Variants in HMGXB3 observed in about 807,000 individuals in gnomAD.
The protein encoded by HMGXB3 is HMG-box containing 3, also known as HMG domain-containing protein 3.
Under a neutral mutation model 121.5 loss-of-function variants are expected in HMGXB3, and 45 were observed. The observed-to-expected ratio is 0.37, with a 90% CI of 0.29 to 0.47. The LOEUF (loss-of-function observed/expected upper bound fraction) is 0.47, where lower values mean the gene tolerates loss of function less well. Ranked by LOEUF, HMGXB3 falls within the 20% of genes least tolerant of loss-of-function variation. HMGXB3 has a pLI of 0.99. For missense variants in HMGXB3, 1,376 were observed against 1,602.2 expected (o/e 0.86, Z 2.41); for synonymous variants, 590 against 624.1 (o/e 0.95, Z 0.81).
Position 150,032,619 on chromosome 5 carries a change from C to T in HMGXB3, c.1983+16C>T, listed in dbSNP as rs769194210. 1.3e-6 allele frequency: 2 copies of T among 1,552,154 alleles called. No homozygotes were observed. The highest frequency in any genetic ancestry group is 2.0e-5 in the Admixed American group (1 of 51,006). ...CAAGGCTATCGTGAGTTCCTTCCCCCAAACACATCCCCTGGCCTGTTCTGG... is the reference window on the plus strand; with the variant it reads ...CAAGGCTATCGTGAGTTCCTTCCCCTAAACACATCCCCTGGCCTGTTCTGG... On this transcript the variant is annotated intron_variant, in intron 11 of 19. Coordinates refer to ENST00000502717, the MANE Select transcript of HMGXB3 (RefSeq NM_014983.3).
At position 150,000,893 on chromosome 5, in the gene HMGXB3, A is replaced by G. The variant is rs1004741137; in HGVS notation, c.-289A>G. 5 of 154,624 alleles carry G rather than the reference A, an allele frequency of 3.2e-5. No individual in the cohort carries two copies. Among genetic ancestry groups the G allele is most frequent in the African/African-American group, 1.2e-4 (5 of 41,428 alleles). The allele number at this position is 154,624 out of a possible 1,614,324, so 9.6% of individuals were successfully genotyped here. On this transcript the variant is annotated 5_prime_UTR_variant, in exon 1 of 20. Transcript: ENST00000502717. ...GCCTGCGGAGCGAACCTGTGCTCCT[A>G]TTCTTGCCCTTCAGGACCCCATATC... is the stretch of plus-strand genomic sequence containing the variant.
chr5:150,016,250 A>T (rs1232113890), intron 5 of HMGXB3, among the ~76,000 whole-genome samples: 2 of 146,082 alleles, frequency 1.4e-5, no homozygotes, highest in Non-Finnish European at 3.0e-5. Flanking sequence ...CTGAGGTGGG[A>T]GGATTGCTTG....
At chr5:150,018,845 T>C (rs775484480) in intron 6 of HMGXB3, 148 bp downstream of exon 6, 42 of 773,672 alleles carry the variant, frequency 5.4e-5, no homozygotes, top group Middle Eastern at 2.5e-4. Context: ...ATAGTTTGTT[T>C]AAAAAATACA....
intron 6 of HMGXB3, among the ~76,000 whole-genome samples, chr5:150,020,760 T>TG (rs1472188035): frequency 6.6e-6 from 1 of 151,668 alleles, no homozygotes; most frequent in African/African-American, 2.4e-5. Flanking sequence ...TTTTTTTTTT[T>TG]TTGAAGATAG....
chr5:150,019,705 C>T (rs1180412926), intron 6 of HMGXB3, among the ~76,000 whole-genome samples: 4 of 152,122 alleles, frequency 2.6e-5, no homozygotes, highest in Non-Finnish European at 5.9e-5. Context: ...AAAGAGAGGA[C>T]ATTATTTTAG....
rs1263006176 is a variant in HMGXB3 at position 150,052,925 on chromosome 5, G to C, written c.*733G>C. 6.5e-6 allele frequency: 1 copy of C among 152,742 alleles called. No homozygotes were observed. The highest frequency in any genetic ancestry group is 1.9e-4 in the East Asian group (1 of 5,276). 9.5% of individuals were successfully genotyped at this position (152,742 alleles called of 1,614,324 possible). ...CTCCACAGAGGGGATGTGGTCCCTG[G>C]TCATGACATAACCTAGCAGCAGTAG... On this transcript the variant is annotated 3_prime_UTR_variant, in exon 20 of 20. Transcript: ENST00000502717.
Position 150,027,127 on chromosome 5 carries a change from A to T in HMGXB3, c.1734+10A>T. The T allele has an allele frequency of 6.5e-7, 1 of 1,549,200 alleles. No homozygotes were observed. The highest frequency in any genetic ancestry group is 8.7e-7 in the Non-Finnish European group (1 of 1,145,870). On this transcript the variant is annotated intron_variant, in intron 9 of 19. Transcript: ENST00000502717. ...CCCTGGTGAGGTGAAGGTAAGGCCC[A>T]TTTTCCAGAGTGGGAGCTGTTTGAG...
At chr5:150,026,497 A>G (rs1320597640) in intron 7 of HMGXB3, among the ~76,000 whole-genome samples, 2 of 152,228 alleles carry the variant, frequency 1.3e-5, no homozygotes, top group Non-Finnish European at 2.9e-5. Flanking sequence ...GTTCCATTTT[A>G]CATATTAGAA....
At chr5:150,022,191 C>G (rs1427957473) in intron 6 of HMGXB3, among the ~76,000 whole-genome samples, 1 of 152,144 alleles carries the variant, frequency 6.6e-6, no homozygotes, top group Non-Finnish European at 1.5e-5. Context: ...ATTGGACACC[C>G]CGATCTATTA....
At chr5:150,005,108 C>T (rs946483904) in intron 2 of HMGXB3, 119 bp downstream of exon 2, 44 of 1,313,358 alleles carry the variant, frequency 3.4e-5, no homozygotes, top group Admixed American at 5.8e-5. Flanking sequence ...AGTCCTGTGT[C>T]GAGGGATGAG....
At chr5:150,012,795 TTGA>T (rs1232802466) in intron 5 of HMGXB3, among the ~76,000 whole-genome samples, 2 of 152,240 alleles carry the variant, frequency 1.3e-5, no homozygotes, top group African/African-American at 4.8e-5. Flanking sequence ...TGATTCCCAG[TTGA>T]TATTTTTTTC....
intron 6 of HMGXB3, among the ~76,000 whole-genome samples, chr5:150,023,255 T>A (rs1352285967): frequency 1.3e-5 from 2 of 152,294 alleles, no homozygotes; most frequent in Non-Finnish European, 1.5e-5. Context: ...CACTAAACTT[T>A]CTGTAATGTG....
intron 13 of HMGXB3, 50 bp from the exon 14 acceptor site, chr5:150,040,698 C>A (rs555992717): frequency 2.4e-5 from 36 of 1,518,182 alleles, no homozygotes; most frequent in Admixed American, 2.2e-5. Context: ...CTATTTTTTG[C>A]CATTGTGTAT....
Position 150,052,034 on chromosome 5 carries a change from C to T in HMGXB3, c.3721C>T (p.Arg1241Cys), listed in dbSNP as rs748848300. 2.4e-5 allele frequency: 37 copies of T among 1,552,088 alleles called. No individual in the cohort carries two copies. Among genetic ancestry groups the T allele is most frequent in the South Asian group, 9.5e-5 (8 of 84,064 alleles). ...CCGCCTCATGGACTTCCTCACCAGC[C>T]GCGAAATTGTCAATCGTCAGATCCA... is the stretch of plus-strand genomic sequence containing the variant. ...YNRLMDFLTSREIVNRQIHDI... is the reference protein window; with the variant it reads ...YNRLMDFLTSCEIVNRQIHDI... The change falls in exon 20 of 20, where the codon CGC (arginine) becomes TGC (cysteine). Residue 1241 changes from arginine (R) to cysteine (C), a missense_variant. Transcript: ENST00000502717.
intron 5 of HMGXB3, among the ~76,000 whole-genome samples, chr5:150,014,102 T>C (rs1344368336): frequency 6.6e-6 from 1 of 152,270 alleles, no homozygotes; most frequent in Admixed American, 6.5e-5. Context: ...AGTGTCACTT[T>C]ATGGCCTGGT....
chr5:150,001,037 C>T lies in HMGXB3; in HGVS notation c.-145C>T, dbSNP rs765379542. 6.5e-6 allele frequency: 1 copy of T among 154,310 alleles called. No homozygotes were observed. The highest frequency in any genetic ancestry group is 1.5e-5 in the Non-Finnish European group (1 of 68,214). 9.6% of individuals were successfully genotyped at this position (154,310 alleles called of 1,614,324 possible). A position where few individuals can be genotyped will look rare whatever the true frequency, so the allele number is the denominator to read the frequency against. On this transcript the variant is annotated 5_prime_UTR_variant, in exon 1 of 20. Transcript: ENST00000502717. The stretch of plus-strand genomic sequence containing the variant: ...GGGATGCGCGCGCGAGCCCTCGCCT[C>T]CACTTCCTTGTTGCTGCTGTCACGA...
rs2113754135 is a variant in HMGXB3 at position 150,036,794 on chromosome 5, T to C, written c.2142T>C (p.His714=). 6.4e-7 allele frequency: 1 copy of C among 1,551,772 alleles called. No individual in the cohort carries two copies. The highest frequency in any genetic ancestry group is 1.2e-5 in the South Asian group (1 of 84,068). ...SELAEVFALI[H]ELNSSRLILS... ...TGGCTGAGGTCTTCGCCTTGATTCA[T>C]GAACTCAACAGCTCTCGACTTATCT... Residue 714 remains histidine, a synonymous_variant, in exon 12 of 20, where the codon CAT becomes CAC. Coordinates refer to ENST00000502717, the MANE Select transcript of HMGXB3 (RefSeq NM_014983.3).
At chr5:150,047,476 G>C in intron 16 of HMGXB3, 148 bp from the exon 17 acceptor site, 1 of 825,738 alleles carries the variant, frequency 1.2e-6, no homozygotes, top group Non-Finnish European at 1.9e-6. Flanking sequence ...TGCAGAAAGC[G>C]TGGACCTGAC....
rs917200547 is a variant in HMGXB3 at position 150,024,527 on chromosome 5, C to T, written c.1307C>T (p.Thr436Ile). The T allele has an allele frequency of 2.6e-6, 4 of 1,551,718 alleles. No homozygotes were observed. The highest frequency in any genetic ancestry group is 3.5e-6 in the Non-Finnish European group (4 of 1,147,004). ...AAGGAAGCTCCCGGGAATTGTGGTA[C>T]AGCAGTCACTAAGACGCCAGTCGTC... ...LVKEAPGNCG[T>I]AVTKTPVVKS... Residue 436 changes from threonine to isoleucine, a missense_variant, in exon 7 of 20, where the codon ACA becomes ATA. Thr to Ile is a moderately conservative substitution (Grantham distance 89). Around this residue, in one of 2 missense-constraint regions of HMGXB3, gnomAD observed 1,116 missense variants for 1,369.0 expected, o/e 0.82. Coordinates refer to ENST00000502717, the MANE Select transcript of HMGXB3 (RefSeq NM_014983.3).
Sources: allele counts gnomAD v4.1 joint callset (sites outside exome capture counted in the v4.1 genomes callset), GRCh38; gene constraint gnomAD v4.1.1; regional missense constraint gnomAD v4.1.1; transcripts MANE v1.5; gene names NCBI Gene and HGNC (gene_info 2026-07-23, HGNC 2026-07-21).